The following ZNF665 variants were observed in gnomAD, a reference collection of about 807,000 sequenced individuals.
The protein encoded by ZNF665 is zinc finger protein 665.
A neutral mutation model predicts 7.9 loss-of-function variants in ZNF665; 6 were observed. That is an observed-to-expected ratio of 0.76 (90% confidence interval 0.42 to 1.50). ZNF665 has a LOEUF of 1.50. Ranked by LOEUF, ZNF665 falls within the 40% of genes most tolerant of loss-of-function variation. ZNF665 has a pLI of 0.01. For synonymous variants in ZNF665, 242 were observed against 274.5 expected (o/e 0.88, Z 1.17); for missense variants, 819 against 806.7 (o/e 1.02, Z -0.18).
chr19:53,185,017 G>C (rs2090766982), intron 1 of ZNF665, among the ~76,000 whole-genome samples: 1 of 152,198 alleles, frequency 6.6e-6, no homozygotes, highest in South Asian at 2.1e-4. Context: ...GCTATCTAAA[G>C]GCAGAGCCAG....
Position 53,164,557 on chromosome 19 carries a change from T to G in ZNF665, c.1933A>C (p.Met645Leu). The change falls in exon 4 of 4, where the codon ATG becomes CTG. Residue 645 changes from methionine to leucine, a missense_variant. Coordinates refer to ENST00000396424, the MANE Select transcript of ZNF665 (RefSeq NM_024733.5). ...GGTTTGTCTCCAGTATGGACTGCCATATGGGTAGTTAGGGTTGAACGAACA... is the reference window on the plus strand; with the variant it reads ...GGTTTGTCTCCAGTATGGACTGCCAGATGGGTAGTTAGGGTTGAACGAACA... The part of the protein sequence containing the change: ...FSVRSTLTTH[M>L]AVHTGDKPYK... The G allele has an allele frequency of 8.1e-6, 13 of 1,614,042 alleles. No individual in the cohort carries two copies. Among genetic ancestry groups the G allele is most frequent in the Non-Finnish European group, 1.1e-5 (13 of 1,179,936 alleles).
chr19:53,173,052 C>T (rs1159237297), intron 3 of ZNF665, among the ~76,000 whole-genome samples: 1 of 152,106 alleles, frequency 6.6e-6, no homozygotes, highest in African/African-American at 2.4e-5. Flanking sequence ...TCAGTAGATG[C>T]TACCCCATTT....
At chr19:53,191,837 TG>T (rs1324959327) in intron 1 of ZNF665, 1 of 152,128 alleles carries the variant, frequency 6.6e-6, no homozygotes, top group East Asian at 1.9e-4. Context: ...AGTGAGATTC[TG>T]TCTTAAGAAA....
intron 3 of ZNF665, among the ~76,000 whole-genome samples, chr19:53,173,372 CTTTTTTTTT>C (rs34425717): frequency 1.3e-5 from 1 of 78,880 alleles, no homozygotes; most frequent in Admixed American, 2.0e-4. Context: ...TTTTTTCACT[CTTTTTTTTT>C]TTTTTTTTTT....
In ZNF665 at chr19:53,164,133, C is replaced by CTTTTTTTTTTTTTTTTTTTTTTTT. The variant is rs35735454; in HGVS notation, c.*319_*320insAAAAAAAAAAAAAAAAAAAAAAAA. ...CTGGCCGCACTCCTTTGTAAGGTTA[C>CTTTTTTTTTTTTTTTTTTTTTTTT]TTTTTTTTTTTTTTTTTTTTTGGAG... On this transcript the variant is annotated 3_prime_UTR_variant, in exon 4 of 4. Transcript: ENST00000396424. 9.6e-6 allele frequency: 1 copy of CTTTTTTTTTTTTTTTTTTTTTTTT among 104,642 alleles called. No individual in the cohort carries two copies. The highest frequency in any genetic ancestry group is 3.3e-5 in the African/African-American group (1 of 30,354). The allele number at this position is 104,642 out of a possible 1,614,324, so 6.5% of individuals were successfully genotyped here. A position where few individuals can be genotyped will look rare whatever the true frequency, so the allele number is the denominator to read the frequency against.
intron 1 of ZNF665, among the ~76,000 whole-genome samples, chr19:53,189,419 G>C (rs1258270015): frequency 2.0e-5 from 3 of 149,722 alleles, no homozygotes; most frequent in African/African-American, 7.4e-5. Context: ...AGGGTAAAGA[G>C]TGTGAGTCAC....
At chr19:53,191,235 C>G (rs2090814604) in intron 1 of ZNF665, among the ~76,000 whole-genome samples, 1 of 152,150 alleles carries the variant, frequency 6.6e-6, no homozygotes. Flanking sequence ...AATCCCCACC[C>G]CACACGTTTT....
intron 3 of ZNF665, 25 bp from the exon 4 acceptor site, chr19:53,166,372 T>C: frequency 6.6e-7 from 1 of 1,516,092 alleles, no homozygotes; most frequent in Non-Finnish European, 8.8e-7. Context: ...CAACCATAGA[T>C]TTCCAGTTAA....
intron 1 of ZNF665, among the ~76,000 whole-genome samples, chr19:53,191,200 C>G (rs10404400): frequency 0.05 from 7,552 of 152,220 alleles, 497 homozygotes; most frequent in African/African-American, 0.15. Context: ...AGTGTTTGTT[C>G]AAGAACTGCG....
At chr19:53,172,577 C>T (rs2090666388) in intron 3 of ZNF665, among the ~76,000 whole-genome samples, 1 of 152,102 alleles carries the variant, frequency 6.6e-6, no homozygotes, top group Non-Finnish European at 1.5e-5. Flanking sequence ...GTAATCTCAG[C>T]ACTTTGGGAG....
intron 3 of ZNF665, among the ~76,000 whole-genome samples, chr19:53,170,741 T>C (rs1163738254): frequency 2.0e-5 from 3 of 152,210 alleles, no homozygotes; most frequent in Non-Finnish European, 4.4e-5. Flanking sequence ...GGAATGCAGA[T>C]ACGTCATAGA....
chr19:53,179,149 G>A (rs934644017), intron 2 of ZNF665, among the ~76,000 whole-genome samples: 24 of 152,166 alleles, frequency 1.6e-4, no homozygotes, highest in Middle Eastern at 3.4e-3. Context: ...CGAGGCGGGT[G>A]GATCACGAGG....
rs549623290 is a variant in ZNF665 at position 53,192,715 on chromosome 19, A to G, written c.-46+597T>C. On this transcript the variant is annotated intron_variant, in intron 1 of 3. Coordinates refer to ENST00000396424, the MANE Select transcript of ZNF665 (RefSeq NM_024733.5). ...GAGTAAGACACCTGGATCCTGGAGG[A>G]GCACATTTTCCAGCGGGTGGAGCTG... Among the ~76,000 whole-genome samples the G allele has an allele frequency of 7.9e-5, 12 of 152,194 alleles. No individual in the cohort carries two copies. The South Asian group carries it at 8.3e-4, about 10-fold the overall frequency.
chr19:53,166,703 A>C (rs1006691768), intron 3 of ZNF665, among the ~76,000 whole-genome samples: 5 of 152,220 alleles, frequency 3.3e-5, no homozygotes, highest in Admixed American at 1.3e-4. Context: ...AATAATTCTT[A>C]GATTGTGCCT....
chr19:53,190,985 C>T (rs910372413), intron 1 of ZNF665, among the ~76,000 whole-genome samples: 217 of 152,168 alleles, frequency 1.4e-3, no homozygotes, highest in African/African-American at 5.0e-3. Context: ...GAAAATGTTT[C>T]CCTGAGTTCT....
At chr19:53,172,310 A>G (rs1400993380) in intron 3 of ZNF665, among the ~76,000 whole-genome samples, 1 of 152,138 alleles carries the variant, frequency 6.6e-6, no homozygotes, top group Non-Finnish European at 1.5e-5. Flanking sequence ...TGGATAATAT[A>G]GTACTTTTAT....
At position 53,165,525 on chromosome 19, in the gene ZNF665, TCATTA is replaced by T; in HGVS notation, c.960_964del (p.Cys320Ter). 1.2e-6 allele frequency: 2 copies of T among 1,614,110 alleles called. No individual in the cohort carries two copies. Among genetic ancestry groups the T allele is most frequent in the Middle Eastern group, 1.6e-4 (1 of 6,062 alleles). ...GCGAACACTAAAGGCTTTGCCACAC[TCATTA>T]CACTTGTAAGGCTTCTCCCCAGTAT... On this transcript the variant is annotated stop_gained and frameshift_variant, in exon 4 of 4. Transcript: ENST00000396424. LOFTEE classifies it low-confidence loss of function (END_TRUNC).
chr19:53,182,650 C>G, intron 2 of ZNF665: 1 of 873,848 alleles, frequency 1.1e-6, no homozygotes, highest in South Asian at 1.4e-5. Flanking sequence ...CCATCCATGT[C>G]GGGGTGTGAG....
In ZNF665 at chr19:53,164,604, T is replaced by A; in HGVS notation, c.1886A>T (p.Asn629Ile). 2 of 1,614,200 alleles carry A rather than the reference T, an allele frequency of 1.2e-6. No individual in the cohort carries two copies. Among genetic ancestry groups the A allele is most frequent in the Non-Finnish European group, 1.7e-6 (2 of 1,180,020 alleles). The change falls in exon 4 of 4, where the codon AAT becomes ATT. Residue 629 changes from asparagine (N) to isoleucine (I), a missense_variant. Asn to Ile is a moderately radical substitution (Grantham distance 149). Transcript: ENST00000396424. Reference protein sequence around the residue: ...IHTGEKPYRCNECGKAFSVRS... With the variant: ...IHTGEKPYRCIECGKAFSVRS... ...AACACTGAAGGCTTTCCCACACTCA[T>A]TACACCTATAAGGTTTTTCTCCAGT...
Sources: gnomAD v4.1 joint callset for allele counts (sites outside exome capture counted in the v4.1 genomes callset) on GRCh38, gnomAD v4.1.1 for gene constraint, MANE v1.5 for transcripts, NCBI Gene and HGNC (gene_info 2026-07-23, HGNC 2026-07-21) for gene names.